Variants in TTBK2 observed in about 807,000 individuals in gnomAD.
TTBK2 encodes tau-tubulin kinase 2.
TTBK2 carries 28 observed loss-of-function variants against 110.8 expected under a neutral mutation model. That is an observed-to-expected ratio of 0.25 (90% CI 0.19 to 0.35). The LOEUF (loss-of-function observed/expected upper bound fraction) is 0.35. TTBK2 is among the 10% of genes least tolerant of loss of function. TTBK2 has a pLI of 1.00. For synonymous variants in TTBK2, 532 were observed against 527.3 expected (o/e 1.01, Z -0.12); for missense variants, 1,369 against 1,500.3 (o/e 0.91, Z 1.45).
rs572693879 is a variant in TTBK2 at position 42,756,311 on chromosome 15, C to T, written c.1999-3064G>A. On this transcript the variant is annotated intron_variant, in intron 13 of 14. Coordinates refer to ENST00000267890, the MANE Select transcript of TTBK2 (RefSeq NM_173500.4). The stretch of plus-strand genomic sequence containing the variant: ...TATAAAAATAATACTCCAGGCCAAG[C>T]ACGGTGGCTCATGCCTGTAATCCCA... Among the ~76,000 whole-genome samples, 8 of 152,004 alleles carry T rather than the reference C, an allele frequency of 5.3e-5. No homozygotes were observed. In the East Asian group the frequency reaches 9.8e-4, roughly 19 times the overall value.
intron 13 of TTBK2, among the ~76,000 whole-genome samples, chr15:42,772,297 G>A (rs1326769097): frequency 6.6e-6 from 1 of 152,062 alleles, no homozygotes; most frequent in Non-Finnish European, 1.5e-5. Context: ...CTATGGAGAG[G>A]CCCAAATGGC....
chr15:42,834,912 A>T lies in TTBK2; in HGVS notation c.292-4834T>A, dbSNP rs1002668479. 2.0e-5 allele frequency among the ~76,000 whole-genome samples: 3 copies of T among 152,124 alleles called. No homozygotes were observed. In the East Asian group the frequency reaches 5.8e-4, roughly 29 times the overall value. On this transcript the variant is annotated intron_variant, in intron 4 of 14. Transcript: ENST00000267890. ...AACTGCAATAATTGAAAGACATCAA[A>T]CATGTTAAATCCATGAATTTATGGA...
chr15:42,815,978 T>TATATA (rs1567040652), intron 7 of TTBK2, among the ~76,000 whole-genome samples: 1 of 110,486 alleles, frequency 9.1e-6, no homozygotes, highest in South Asian at 2.7e-4. Context: ...TATATATATA[T>TATATA]TTGAGACGGA....
chr15:42,892,074 T>C (rs773129867), intron 1 of TTBK2, among the ~76,000 whole-genome samples: 2 of 152,146 alleles, frequency 1.3e-5, no homozygotes, highest in African/African-American at 4.8e-5. Flanking sequence ...CAAAAGACTA[T>C]ATAATATCCC....
At chr15:42,878,268 C>G (rs1894896419) in intron 2 of TTBK2, among the ~76,000 whole-genome samples, 1 of 151,740 alleles carries the variant, frequency 6.6e-6, no homozygotes, top group African/African-American at 2.4e-5. Flanking sequence ...AGGCGAGAGC[C>G]ACTGCGCCCG....
At chr15:42,919,385 C>T (rs1204470370) in intron 1 of TTBK2, among the ~76,000 whole-genome samples, 1 of 152,140 alleles carries the variant, frequency 6.6e-6, no homozygotes, top group Non-Finnish European at 1.5e-5. Context: ...TTATTCTATT[C>T]CATTTAGCCA....
At chr15:42,777,528 T>A (rs1311940709) in intron 11 of TTBK2, among the ~76,000 whole-genome samples, 1 of 152,226 alleles carries the variant, frequency 6.6e-6, no homozygotes, top group East Asian at 1.9e-4. Context: ...TTGAATTATG[T>A]CTGACATGAG....
intron 1 of TTBK2, among the ~76,000 whole-genome samples, chr15:42,897,315 C>A (rs1895703972): frequency 6.6e-6 from 1 of 152,026 alleles, no homozygotes. Flanking sequence ...TAACAGAGAT[C>A]TATAATCATT....
intron 3 of TTBK2, among the ~76,000 whole-genome samples, chr15:42,842,821 G>C (rs1046818520): frequency 1.1e-4 from 17 of 151,900 alleles, no homozygotes; most frequent in African/African-American, 4.1e-4. Context: ...GGGGGTATAA[G>C]CTAGCAAGAA....
intron 9 of TTBK2, among the ~76,000 whole-genome samples, chr15:42,795,725 C>T (rs900049150): frequency 6.6e-6 from 1 of 151,794 alleles, no homozygotes. Flanking sequence ...CGCCTGTAAT[C>T]CCAGCTACTC....
At position 42,743,842 on chromosome 15, in the gene TTBK2, A is replaced by G. The variant is rs986974895; in HGVS notation, c.*1953T>C. 1 of 151,836 alleles carries G rather than the reference A, an allele frequency of 6.6e-6. No homozygotes were observed. The highest frequency in any genetic ancestry group is 1.5e-5 in the Non-Finnish European group (1 of 67,716). 9.4% of individuals were successfully genotyped at this position (151,836 alleles called of 1,614,324 possible). ...CTCTGAGGTGTCACATGCCAAGAAC[A>G]TAGTTTCAGAAAATGAAGATAGGCA... On this transcript the variant is annotated 3_prime_UTR_variant, in exon 15 of 15. Coordinates refer to ENST00000267890, the MANE Select transcript of TTBK2 (RefSeq NM_173500.4).
intron 11 of TTBK2, among the ~76,000 whole-genome samples, chr15:42,781,405 CTTCT>C (rs1278124911): frequency 6.6e-6 from 1 of 151,920 alleles, no homozygotes; most frequent in Non-Finnish European, 1.5e-5. Context: ...TATTCATTAC[CTTCT>C]TTCTGCTTGT....
chr15:42,889,853 C>T (rs1895385196), intron 1 of TTBK2, among the ~76,000 whole-genome samples: 1 of 152,138 alleles, frequency 6.6e-6, no homozygotes, highest in Non-Finnish European at 1.5e-5. Flanking sequence ...TAAAGCAGCC[C>T]TGAGAAACAT....
chr15:42,904,893 G>A (rs530589875), intron 1 of TTBK2, among the ~76,000 whole-genome samples: 3 of 147,732 alleles, frequency 2.0e-5, no homozygotes, highest in East Asian at 2.0e-4. Context: ...TTTTTTTGAC[G>A]CAGGGTCTTA....
intron 10 of TTBK2, among the ~76,000 whole-genome samples, chr15:42,790,749 G>C (rs1339506791): frequency 1.3e-5 from 2 of 152,046 alleles, no homozygotes; most frequent in African/African-American, 4.8e-5. Context: ...GCCCAGGCTG[G>C]AATGCAGTGG....
At chr15:42,904,846 C>T (rs1370810012) in intron 1 of TTBK2, among the ~76,000 whole-genome samples, 2 of 151,946 alleles carry the variant, frequency 1.3e-5, no homozygotes, top group African/African-American at 4.8e-5. Context: ...AATTAAAGGG[C>T]TCAAAATGAG....
intron 9 of TTBK2, among the ~76,000 whole-genome samples, chr15:42,800,761 GAA>G (rs541636688): frequency 3.7e-5 from 5 of 136,308 alleles, no homozygotes; most frequent in Non-Finnish European, 1.6e-5. Context: ...TTTATTTTGG[GAA>G]AAAAAAAAAA....
Position 42,789,602 on chromosome 15 carries a change from C to T in TTBK2, c.980+5042G>A, listed in dbSNP as rs974635809. ...TACAAAAATTAGCCAGCTGTGGTGA[C>T]GCAGGCCTGTAATCCCAGCTACTCA... On this transcript the variant is annotated intron_variant, in intron 10 of 14. Coordinates refer to ENST00000267890, the MANE Select transcript of TTBK2 (RefSeq NM_173500.4). 5.3e-5 allele frequency among the ~76,000 whole-genome samples: 8 copies of T among 152,002 alleles called. No homozygotes were observed. In the East Asian group the frequency reaches 5.8e-4, roughly 11 times the overall value.
chr15:42,872,533 A>C (rs1209363820), intron 3 of TTBK2, 78 bp downstream of exon 3: 1 of 1,522,474 alleles, frequency 6.6e-7, no homozygotes, highest in Non-Finnish European at 9.0e-7. Flanking sequence ...TAAAGAATGT[A>C]ATTAAGGTTC....
Sources: allele counts gnomAD v4.1 joint callset (sites outside exome capture counted in the v4.1 genomes callset), GRCh38; gene constraint gnomAD v4.1.1; transcripts MANE v1.5; gene names NCBI Gene and HGNC (gene_info 2026-07-23, HGNC 2026-07-21).